The following ARFGEF1 variants were observed in gnomAD, a reference collection of about 807,000 sequenced individuals.
The protein encoded by ARFGEF1 is ARF guanine nucleotide exchange factor 1.
Under a neutral mutation model 231.0 loss-of-function variants are expected in ARFGEF1, and 42 were observed. The ratio of observed to expected loss-of-function variants is 0.18; its 90% CI spans 0.14 to 0.24. The LOEUF (loss-of-function observed/expected upper bound fraction) is 0.24. ARFGEF1 is among the 10% of genes least tolerant of loss of function. The pLI is 1.00. For synonymous variants in ARFGEF1, 710 were observed against 732.3 expected, an observed-to-expected ratio of 0.97 and a Z score of 0.49; for missense variants, 1,345 against 2,192.0, an observed-to-expected ratio of 0.61 and a Z score of 7.72.
chr8:67,222,003 C>T (rs182949026), intron 29 of ARFGEF1, among the ~76,000 whole-genome samples: 1,719 of 148,452 alleles, frequency 0.012, 35 homozygotes, highest in African/African-American at 0.041. Context: ...TTAGTAGAGA[C>T]GGGGTTTCAC....
intron 1 of ARFGEF1, among the ~76,000 whole-genome samples, chr8:67,340,620 A>T (rs1200711034): frequency 6.6e-6 from 1 of 152,250 alleles, no homozygotes; most frequent in East Asian, 1.9e-4. Flanking sequence ...ATAGACTGCA[A>T]GGGAAGAAAC....
intron 7 of ARFGEF1, among the ~76,000 whole-genome samples, chr8:67,277,947 C>T (rs963635891): frequency 6.6e-6 from 1 of 152,194 alleles, no homozygotes; most frequent in Non-Finnish European, 1.5e-5. Context: ...AGCCCCCTTC[C>T]CGTTTTTAGA....
chr8:67,219,158 G>A (rs1175931623), intron 30 of ARFGEF1, among the ~76,000 whole-genome samples: 1 of 152,068 alleles, frequency 6.6e-6, no homozygotes, highest in East Asian at 1.9e-4. Flanking sequence ...GTAGAGATGG[G>A]GTTTCACCAT....
At chr8:67,213,232 C>T (rs1188616382) in intron 33 of ARFGEF1, among the ~76,000 whole-genome samples, 1 of 152,150 alleles carries the variant, frequency 6.6e-6, no homozygotes, top group East Asian at 1.9e-4. Flanking sequence ...CAAATCTGGT[C>T]AGTTGGCGTT....
intron 1 of ARFGEF1, among the ~76,000 whole-genome samples, chr8:67,304,493 C>T (rs1436424096): frequency 6.6e-6 from 1 of 152,190 alleles, no homozygotes; most frequent in Non-Finnish European, 1.5e-5. Flanking sequence ...TTGCACGGCT[C>T]ACCAACAGAT....
intron 5 of ARFGEF1, among the ~76,000 whole-genome samples, chr8:67,186,033 ATGTGAAGAAT>A (rs1258485054): frequency 3.3e-5 from 5 of 152,244 alleles, no homozygotes; most frequent in African/African-American, 1.2e-4. Flanking sequence ...TTCATTAATT[ATGTGAAGAAT>A]TGCTTCTGGA....
At chr8:67,286,959 T>A (rs549469354) in intron 7 of ARFGEF1, among the ~76,000 whole-genome samples, 1 of 152,308 alleles carries the variant, frequency 6.6e-6, no homozygotes, top group Admixed American at 6.5e-5. Flanking sequence ...AAGTGACTTA[T>A]CTTCCAAGAT....
chr8:67,342,977 C>T (rs1808716093), intron 1 of ARFGEF1, among the ~76,000 whole-genome samples, 187 bp downstream of exon 1: 1 of 152,158 alleles, frequency 6.6e-6, no homozygotes, highest in Non-Finnish European at 1.5e-5. Context: ...CTCCTCTACC[C>T]CGCCTCTGCC....
intron 7 of ARFGEF1, among the ~76,000 whole-genome samples, chr8:67,280,433 C>T (rs750503880): frequency 6.6e-6 from 1 of 152,200 alleles, no homozygotes; most frequent in Non-Finnish European, 1.5e-5. Context: ...CTGCAATAAA[C>T]ACAGAAGGAA....
chr8:67,226,213 A>G, intron 27 of ARFGEF1, 30 bp from the exon 28 acceptor site: 1 of 1,475,828 alleles, frequency 6.8e-7, no homozygotes, highest in Non-Finnish European at 9.0e-7. Flanking sequence ...ATATTACTAT[A>G]ATTTTTCAAT....
At chr8:67,295,970 TAAC>T (rs1482771173) in intron 5 of ARFGEF1, among the ~76,000 whole-genome samples, 1 of 152,188 alleles carries the variant, frequency 6.6e-6, no homozygotes, top group African/African-American at 2.4e-5. Flanking sequence ...GCTGATCTCT[TAAC>T]AATCAACCTG....
intron 36 of ARFGEF1, among the ~76,000 whole-genome samples, chr8:67,202,055 G>A (rs1460289371): frequency 6.6e-6 from 1 of 152,104 alleles, no homozygotes; most frequent in Non-Finnish European, 1.5e-5. Context: ...AAAAAAAGGG[G>A]AAAAATAAGT....
intron 4 of ARFGEF1, among the ~76,000 whole-genome samples, chr8:67,298,781 C>A (rs1806350910): frequency 6.6e-6 from 1 of 151,980 alleles, no homozygotes; most frequent in South Asian, 2.1e-4. Context: ...TCGTTTTTTT[C>A]TTGAGACTGA....
intron 1 of ARFGEF1, among the ~76,000 whole-genome samples, chr8:67,322,908 T>C (rs980282650): frequency 6.6e-6 from 1 of 152,228 alleles, no homozygotes; most frequent in Non-Finnish European, 1.5e-5. Context: ...CATCTTTACA[T>C]TCATCAGGCT....
At position 67,197,933 on chromosome 8, in the gene ARFGEF1, TTTG is replaced by T; in HGVS notation, c.*998_*1000del. 7 of 985,856 alleles carry T rather than the reference TTTG, an allele frequency of 7.1e-6. No homozygotes were observed. Among genetic ancestry groups the T allele is most frequent in the Non-Finnish European group, 8.4e-6 (7 of 829,926 alleles). 61.1% of individuals were successfully genotyped at this position (985,856 alleles called of 1,614,324 possible). A position where few individuals can be genotyped will look rare whatever the true frequency, so the allele number is the denominator to read the frequency against. ...TCTAACCTCCGCAAACCATGCCAGA[TTTG>T]TTATTTTAATATATTCAACGTTAAA... On this transcript the variant is annotated 3_prime_UTR_variant, in exon 39 of 39. Transcript: ENST00000262215.
At chr8:67,305,766 TC>T (rs1241722342) in intron 1 of ARFGEF1, among the ~76,000 whole-genome samples, 1 of 152,102 alleles carries the variant, frequency 6.6e-6, no homozygotes, top group Non-Finnish European at 1.5e-5. Context: ...AGGATTACAT[TC>T]CCCCCTTATC....
intron 34 of ARFGEF1, among the ~76,000 whole-genome samples, chr8:67,208,341 A>G (rs1159451475): frequency 2.0e-5 from 3 of 151,992 alleles, no homozygotes; most frequent in Non-Finnish European, 4.4e-5. Context: ...GAAGAATAAA[A>G]CTTCATAGGC....
chr8:67,308,990 A>C (rs962656158), intron 1 of ARFGEF1, among the ~76,000 whole-genome samples: 1 of 152,186 alleles, frequency 6.6e-6, no homozygotes, highest in Non-Finnish European at 1.5e-5. Flanking sequence ...GAAGATATGG[A>C]GGCAACCTAG....
downstream of ARFGEF1, chr8:67,173,793 T>C (rs1056800091): frequency 5.3e-5 from 8 of 152,374 alleles, no homozygotes; most frequent in African/African-American, 1.9e-4. Flanking sequence ...CTGCCAGGCA[T>C]TGTGTTAACC....
Sources: gnomAD v4.1 joint callset for allele counts (sites outside exome capture counted in the v4.1 genomes callset) on GRCh38, gnomAD v4.1.1 for gene constraint, MANE v1.5 for transcripts, NCBI Gene and HGNC (gene_info 2026-07-23, HGNC 2026-07-21) for gene names.